Variants in SANBR observed in about 807,000 individuals in gnomAD.
SANBR encodes the protein SANT and BTB domain regulator of CSR.
Under a neutral mutation model 101.8 loss-of-function variants are expected in SANBR, and 77 were observed. The observed-to-expected ratio is 0.76, with a 90% confidence interval of 0.63 to 0.91. SANBR has a LOEUF of 0.91. Among genes scored for constraint, SANBR ranks in the 40% least tolerant of loss-of-function variants. The pLI, the probability that SANBR is intolerant of heterozygous loss-of-function variation, is 0.00. For missense variants in SANBR, 875 were observed against 853.0 expected, an observed-to-expected ratio of 1.03 and a Z score of -0.32; for synonymous variants, 279 against 274.7, an observed-to-expected ratio of 1.02 and a Z score of -0.15.
intron 4 of SANBR, among the ~76,000 whole-genome samples, chr2:61,073,015 A>G (rs1420668755): frequency 6.6e-6 from 1 of 151,814 alleles, no homozygotes; most frequent in East Asian, 1.9e-4. Flanking sequence ...TATTATAGTC[A>G]ACAAGAGCTT....
At chr2:61,127,025 C>T (rs1369511549), downstream of SANBR, among the ~76,000 whole-genome samples, 1 of 152,172 alleles carries the variant, frequency 6.6e-6, no homozygotes, top group Non-Finnish European at 1.5e-5. Flanking sequence ...CCAAGTCACT[C>T]TCATCACATC....
chr2:61,135,284 T>C (rs1684810325), intron 21 of SANBR, among the ~76,000 whole-genome samples: 1 of 152,226 alleles, frequency 6.6e-6, no homozygotes, highest in African/African-American at 2.4e-5. Context: ...GAACAAGTAC[T>C]TGAAGGGATC....
chr2:61,088,740 C>T (rs1226001135), intron 10 of SANBR: 2 of 366,680 alleles, frequency 5.5e-6, no homozygotes, highest in African/African-American at 2.2e-5. Flanking sequence ...AGGCTGGTCT[C>T]GAACTCCTGA....
At chr2:61,079,467 A>T (rs990410393) in intron 6 of SANBR, among the ~76,000 whole-genome samples, 19 of 152,196 alleles carry the variant, frequency 1.2e-4, no homozygotes, top group Admixed American at 2.6e-4. Context: ...AAAGTTTTTT[A>T]AAAAACTTAA....
chr2:61,085,282 G>C (rs1024480683), intron 8 of SANBR, among the ~76,000 whole-genome samples: 4 of 151,936 alleles, frequency 2.6e-5, no homozygotes, highest in African/African-American at 4.8e-5. Context: ...ATGTTTTTCT[G>C]TTATTCATCT....
At position 61,109,351 on chromosome 2, in the gene SANBR, T is replaced by C. The variant is rs1683712575; in HGVS notation, c.1744+55T>C. ...CCCTGTTTATGAAGGGGTTACATTC[T>C]GAAGCCTTTAATGCAAGGGATGGGG... On this transcript the variant is annotated intron_variant, in intron 16 of 21. Transcript: ENST00000402291. 3.0e-6 allele frequency: 3 copies of C among 1,016,678 alleles called. No homozygotes were observed. The East Asian group carries it at 7.7e-5, about 26-fold the overall frequency. 63.0% of individuals were successfully genotyped at this position (1,016,678 alleles called of 1,614,324 possible). A position where few individuals can be genotyped will look rare whatever the true frequency, so the allele number is the denominator to read the frequency against.
At chr2:61,113,759 G>T (rs1268272530) in intron 16 of SANBR, among the ~76,000 whole-genome samples, 1 of 152,046 alleles carries the variant, frequency 6.6e-6, no homozygotes. Flanking sequence ...CTTGCCTTTT[G>T]TGCTGGTTAG....
rs910700682 is a variant in SANBR, at chr2:61,106,555, C to G, written c.1512-8C>G. 1.9e-5 allele frequency: 30 copies of G among 1,561,944 alleles called. No individual in the cohort carries two copies. The East Asian group carries it at 2.5e-4, about 13-fold the overall frequency. ...CTCTTCTCCGTAAAAATGTCTTTTT[C>G]TTTCAAGTGATGTTGGGGTTGGCCT... On this transcript the variant is annotated splice_region_variant and splice_polypyrimidine_tract_variant and intron_variant, in intron 13 of 21. Transcript: ENST00000402291.
intron 6 of SANBR, among the ~76,000 whole-genome samples, chr2:61,078,504 C>G (rs2104863343): frequency 6.6e-6 from 1 of 152,176 alleles, no homozygotes; most frequent in African/African-American, 2.4e-5. Flanking sequence ...TCACTGCAAC[C>G]TCTGCCTCCC....
In SANBR at chr2:61,088,519, AG is replaced by A. The variant is rs934686663; in HGVS notation, c.1088+52del. 25 of 1,097,336 alleles carry A rather than the reference AG, an allele frequency of 2.3e-5. No individual in the cohort carries two copies. The African/African-American group carries it at 2.8e-4, about 13-fold the overall frequency. The allele number at this position is 1,097,336 out of a possible 1,614,324, so 68.0% of individuals were successfully genotyped here. ...TGTATTTTTGTATATATATATATAT[AG>A]TTGTTGTTGTTGTTTTGGAGACGGA... On this transcript the variant is annotated intron_variant, in intron 10 of 21. Transcript: ENST00000402291.
At chr2:61,134,076 G>T in intron 20 of SANBR, 1 of 1,589,646 alleles carries the variant, frequency 6.3e-7, no homozygotes, top group East Asian at 2.3e-5. Flanking sequence ...CTCTTCTTGT[G>T]TTTGCCTGGG....
chr2:61,079,428 A>G (rs116499224), intron 6 of SANBR, among the ~76,000 whole-genome samples: 4,251 of 152,286 alleles, frequency 0.028, 182 homozygotes, highest in African/African-American at 0.095. Context: ...TAGAACTCTT[A>G]TGGAAAATAA....
intron 11 of SANBR, among the ~76,000 whole-genome samples, chr2:61,095,145 G>T (rs1028279438): frequency 6.6e-6 from 1 of 152,142 alleles, no homozygotes; most frequent in Non-Finnish European, 1.5e-5. Flanking sequence ...GGTGTGTAAA[G>T]GTCCTCCTCA....
At chr2:61,116,855 C>CATGTT (rs1684099852) in intron 17 of SANBR, among the ~76,000 whole-genome samples, 1 of 151,972 alleles carries the variant, frequency 6.6e-6, no homozygotes, top group Non-Finnish European at 1.5e-5. Context: ...GAGTTTGAGA[C>CATGTT]CAGCCTGGGC....
At chr2:61,135,606 C>A (rs1684818221) in intron 21 of SANBR, among the ~76,000 whole-genome samples, 1 of 152,154 alleles carries the variant, frequency 6.6e-6, no homozygotes, top group Admixed American at 6.6e-5. Flanking sequence ...GAAATGTGTT[C>A]AGGAGCATAA....
In SANBR at chr2:61,122,698, G is replaced by C; in HGVS notation, c.*536G>C. 1 of 985,750 alleles carries C rather than the reference G, an allele frequency of 1.0e-6. No individual in the cohort carries two copies. Among genetic ancestry groups the C allele is most frequent in the Non-Finnish European group, 1.2e-6 (1 of 830,118 alleles). The allele number at this position is 985,750 out of a possible 1,614,324, so 61.1% of individuals were successfully genotyped here. A position where few individuals can be genotyped will look rare whatever the true frequency, so the allele number is the denominator to read the frequency against. On this transcript the variant is annotated 3_prime_UTR_variant, in exon 22 of 22. Coordinates refer to ENST00000402291, the MANE Select transcript of SANBR (RefSeq NM_001129993.3). ...AGACTGCATTAAATGAAGTTTCAGG[G>C]TAAGGTATTTCAGTACTGTGTTGGG...
In SANBR at chr2:61,122,321, G is replaced by GT; in HGVS notation, c.*163dup. ...AATTCTAAAAGAAATGCATAGTTAGGTTTTATGAAAATCTAATTGTAAATA... is the reference window on the plus strand; with the variant it reads ...AATTCTAAAAGAAATGCATAGTTAGGTTTTTATGAAAATCTAATTGTAAATA... On this transcript the variant is annotated 3_prime_UTR_variant, in exon 22 of 22. Transcript: ENST00000402291. The GT allele has an allele frequency of 8.2e-7, 1 of 1,225,928 alleles. No homozygotes were observed. Among genetic ancestry groups the GT allele is most frequent in the Non-Finnish European group, 1.1e-6 (1 of 949,110 alleles). The allele number at this position is 1,225,928 out of a possible 1,614,324, so 75.9% of individuals were successfully genotyped here.
chr2:61,097,455 AT>A (rs1179038318), intron 11 of SANBR, among the ~76,000 whole-genome samples: 1 of 152,084 alleles, frequency 6.6e-6, no homozygotes, highest in African/African-American at 2.4e-5. Flanking sequence ...TTGTACAGTC[AT>A]CACCATCATC....
At position 61,088,164 on chromosome 2, in the gene SANBR, T is replaced by C. The variant is rs1244384281; in HGVS notation, c.896T>C (p.Leu299Pro). 3 of 1,595,422 alleles carry C rather than the reference T, an allele frequency of 1.9e-6. No individual in the cohort carries two copies. Among genetic ancestry groups the C allele is most frequent in the Non-Finnish European group, 2.6e-6 (3 of 1,173,190 alleles). Residue 299 changes from leucine (L) to proline (P), a missense_variant, in exon 9 of 22, where the codon CTT becomes CCT. By Grantham distance (98) the Leu-to-Pro change is moderately conservative (BLOSUM62 -3). Transcript: ENST00000402291. ...KDKKDKFKSK[L>P]FCKKIERLFD... Reference sequence around the variant, plus strand: ...TGGTCATTTGTTGTTAATAGCAAACTTTTTTGTAAGAAGATTGAAAGACTG... The same window carrying C: ...TGGTCATTTGTTGTTAATAGCAAACCTTTTTGTAAGAAGATTGAAAGACTG...
Sources: allele counts gnomAD v4.1 joint callset (sites outside exome capture counted in the v4.1 genomes callset), GRCh38; gene constraint gnomAD v4.1.1; transcripts MANE v1.5; gene names NCBI Gene and HGNC (gene_info 2026-07-23, HGNC 2026-07-21).